Variants in SLC4A4 observed in about 807,000 individuals in gnomAD.
SLC4A4 encodes electrogenic sodium bicarbonate cotransporter 1.
SLC4A4 carries 27 observed loss-of-function variants against 111.5 expected under a neutral mutation model. That is an observed-to-expected ratio of 0.24 (90% CI 0.18 to 0.33). The LOEUF is 0.33. Ranked by LOEUF, SLC4A4 falls within the 10% of genes least tolerant of loss-of-function variation. SLC4A4 has a pLI of 1.00. For synonymous variants in SLC4A4, 443 were observed against 463.4 expected (o/e 0.96, Z 0.57); for missense variants, 909 against 1,315.5 (o/e 0.69, Z 4.78).
intron 3 of SLC4A4, among the ~76,000 whole-genome samples, chr4:71,269,781 A>C (rs1205863066): frequency 6.6e-6 from 1 of 152,214 alleles, no homozygotes; most frequent in Non-Finnish European, 1.5e-5. Flanking sequence ...TTGTTAAAAA[A>C]CTATTATACA....
chr4:71,245,749 T>G (rs1720609853), intron 2 of SLC4A4, among the ~76,000 whole-genome samples: 1 of 152,002 alleles, frequency 6.6e-6, no homozygotes, highest in African/African-American at 2.4e-5. Context: ...TAGCTAGCAT[T>G]TAAAGCCATA....
chr4:71,325,695 T>A (rs1727448867), intron 3 of SLC4A4, among the ~76,000 whole-genome samples: 1 of 152,016 alleles, frequency 6.6e-6, no homozygotes, highest in African/African-American at 2.4e-5. Flanking sequence ...CACTCAAAAA[T>A]GAATTGCTGT....
chr4:71,419,554 C>A (rs1722195108), intron 7 of SLC4A4, among the ~76,000 whole-genome samples: 1 of 152,214 alleles, frequency 6.6e-6, no homozygotes, highest in Non-Finnish European at 1.5e-5. Context: ...CGGAAAAGTG[C>A]AGTATTTGAG....
At chr4:71,306,791 T>C (rs1301527762) in intron 3 of SLC4A4, among the ~76,000 whole-genome samples, 3 of 152,238 alleles carry the variant, frequency 2.0e-5, no homozygotes, top group Non-Finnish European at 4.4e-5. Context: ...AAAAATAGAA[T>C]TTTTCTGATT....
At chr4:71,417,647 C>G (rs1423390051) in intron 7 of SLC4A4, among the ~76,000 whole-genome samples, 1 of 152,182 alleles carries the variant, frequency 6.6e-6, no homozygotes, top group Non-Finnish European at 1.5e-5. Context: ...TTCCTTGTCT[C>G]TGTCCCACTT....
chr4:71,081,825 G>C (rs1742001413), intron 1 of SLC4A4, among the ~76,000 whole-genome samples: 1 of 152,028 alleles, frequency 6.6e-6, no homozygotes, highest in Admixed American at 6.6e-5. Context: ...AATAAAAATA[G>C]AATGTTTGTT....
chr4:71,147,028 A>G (rs929992414), intron 2 of SLC4A4, among the ~76,000 whole-genome samples: 1 of 152,202 alleles, frequency 6.6e-6, no homozygotes, highest in African/African-American at 2.4e-5. Context: ...GGCTCAAAAT[A>G]AAGGGATGGA....
intron 7 of SLC4A4, among the ~76,000 whole-genome samples, chr4:71,429,040 G>T (rs1346523785): frequency 6.6e-6 from 1 of 152,052 alleles, no homozygotes; most frequent in Non-Finnish European, 1.5e-5. Flanking sequence ...CAGAAACATG[G>T]CAGAGAAAAG....
At chr4:71,106,713 A>C (rs1332703014) in intron 2 of SLC4A4, among the ~76,000 whole-genome samples, 51 of 141,170 alleles carry the variant, frequency 3.6e-4, no homozygotes, top group African/African-American at 1.3e-3. Flanking sequence ...CATAGGTGGG[A>C]ATTGAACAAT....
rs2602073 is a variant in SLC4A4 at position 71,220,418 on chromosome 4, A to C, written c.-1-16158A>C. Among the ~76,000 whole-genome samples the C allele has an allele frequency of 6.2e-3, 945 of 152,288 alleles. 10 individuals carry two copies. The highest frequency in any genetic ancestry group is 0.021 in the African/African-American group (891 of 41,570). ...CTCGCTTTATTGTGATATTTGTTTT[A>C]TTGTGGTGGAGTGGAACCGAACCTG... On this transcript the variant is annotated intron_variant, in intron 1 of 25. Transcript: ENST00000264485.
chr4:71,106,720 CAAT>C (rs1372416059), intron 2 of SLC4A4, among the ~76,000 whole-genome samples: 1 of 105,222 alleles, frequency 9.5e-6, no homozygotes, highest in Non-Finnish European at 2.0e-5. Context: ...GGGAATTGAA[CAAT>C]GAGATCACAT....
chr4:71,205,906 T>TA (rs1319992178), intron 1 of SLC4A4, among the ~76,000 whole-genome samples: 4 of 152,224 alleles, frequency 2.6e-5, no homozygotes, highest in African/African-American at 9.6e-5. Flanking sequence ...GGGACTTTCT[T>TA]ACTATCAGAT....
intron 7 of SLC4A4, among the ~76,000 whole-genome samples, chr4:71,403,233 A>T (rs1720531589): frequency 6.6e-6 from 1 of 152,172 alleles, no homozygotes. Flanking sequence ...TATGGTTTTA[A>T]GTAACTGCGC....
At chr4:71,419,960 TC>T (rs1438248793) in intron 7 of SLC4A4, among the ~76,000 whole-genome samples, 2 of 152,208 alleles carry the variant, frequency 1.3e-5, no homozygotes, top group Non-Finnish European at 2.9e-5. Flanking sequence ...AAGCAGTTCC[TC>T]ACCAGCAGTG....
At chr4:71,154,046 G>A (rs76803493) in intron 2 of SLC4A4, among the ~76,000 whole-genome samples, 9,383 of 152,246 alleles carry the variant, frequency 0.062, 923 homozygotes, top group African/African-American at 0.22. Flanking sequence ...CGGATTTGGA[G>A]TAGATTATGA....
intron 2 of SLC4A4, among the ~76,000 whole-genome samples, chr4:71,138,768 G>A (rs974981139): frequency 1.3e-5 from 2 of 152,150 alleles, no homozygotes; most frequent in Non-Finnish European, 2.9e-5. Context: ...CGGGCGCGGT[G>A]GCTCACGCCT....
At chr4:71,212,288 T>G (rs190117293) in intron 1 of SLC4A4, among the ~76,000 whole-genome samples, 5 of 152,332 alleles carry the variant, frequency 3.3e-5, no homozygotes, top group Admixed American at 3.3e-4. Flanking sequence ...GAGCTTAGGT[T>G]TCTCACTTGG....
intron 2 of SLC4A4, among the ~76,000 whole-genome samples, chr4:71,172,524 G>C (rs1342635901): frequency 1.3e-5 from 2 of 152,296 alleles, no homozygotes; most frequent in South Asian, 2.1e-4. Flanking sequence ...AAAGTGCTGG[G>C]ATTACAGGCG....
intron 7 of SLC4A4, among the ~76,000 whole-genome samples, chr4:71,430,133 C>G (rs1181548112): frequency 1.3e-5 from 2 of 152,064 alleles, no homozygotes; most frequent in South Asian, 2.1e-4. Context: ...TTTTTGAACT[C>G]TGTTACTAGG....
Sources: gnomAD v4.1 joint callset for allele counts (sites outside exome capture counted in the v4.1 genomes callset) on GRCh38, gnomAD v4.1.1 for gene constraint, MANE v1.5 for transcripts, NCBI Gene and HGNC (gene_info 2026-07-23, HGNC 2026-07-21) for gene names.